RORA: variants seen among roughly 807,000 people sequenced by gnomAD.
RORA encodes the protein RAR related orphan receptor A, also known as nuclear receptor ROR-alpha.
In RORA, 7 loss-of-function variants were observed where a neutral mutation model predicts 69.5. The ratio of observed to expected loss-of-function variants is 0.10; its 90% CI spans 0.06 to 0.19. RORA has a LOEUF of 0.19. RORA is among the 10% of genes least tolerant of loss of function. The pLI, the probability that RORA is intolerant of heterozygous loss-of-function variation, is 1.00. For synonymous variants in RORA, 261 were observed against 240.8 expected (o/e 1.08, Z -0.78); for missense variants, 457 against 663.0 (o/e 0.69, Z 3.41).
rs140452561 is a variant in RORA, at chr15:60,523,173, A to G, written c.283-8416T>C. On this transcript the variant is annotated intron_variant, in intron 3 of 10. Coordinates refer to ENST00000335670, the MANE Select transcript of RORA (RefSeq NM_134261.3). ...AATGTTCTTCTGGTATTTGAAAACT[A>G]TTAACTGAGTCAGCAAGGAAGTGGT... is the stretch of plus-strand genomic sequence containing the variant. 1.2e-3 allele frequency among the ~76,000 whole-genome samples: 179 copies of G among 152,378 alleles called. 2 individuals carry two copies. Among genetic ancestry groups the G allele is most frequent in the African/African-American group, 3.4e-3 (140 of 41,580 alleles).
chr15:61,050,514 C>A (rs1235284998), intron 1 of RORA, among the ~76,000 whole-genome samples: 1 of 152,182 alleles, frequency 6.6e-6, no homozygotes, highest in Non-Finnish European at 1.5e-5. Flanking sequence ...TGGTCTCTGT[C>A]TTCAGGGAGC....
At chr15:60,959,333 G>C (rs1047643077) in intron 1 of RORA, among the ~76,000 whole-genome samples, 2 of 152,106 alleles carry the variant, frequency 1.3e-5, no homozygotes, top group East Asian at 3.9e-4. Context: ...CAAGTATGTG[G>C]CATCTTAGCC....
At chr15:60,520,595 T>G (rs1245786791) in intron 3 of RORA, among the ~76,000 whole-genome samples, 1 of 152,010 alleles carries the variant, frequency 6.6e-6, no homozygotes, top group Non-Finnish European at 1.5e-5. Flanking sequence ...TTTGTCTGAT[T>G]GGGGAGAAAT....
intron 1 of RORA, among the ~76,000 whole-genome samples, chr15:61,150,147 C>T (rs1295605462): frequency 6.6e-6 from 1 of 152,220 alleles, no homozygotes; most frequent in Non-Finnish European, 1.5e-5. Flanking sequence ...TATATAGTAT[C>T]TTCAACAGCC....
At chr15:60,902,828 T>C (rs1891429219) in intron 1 of RORA, among the ~76,000 whole-genome samples, 1 of 151,946 alleles carries the variant, frequency 6.6e-6, no homozygotes, top group Non-Finnish European at 1.5e-5. Context: ...CTCTAGCCCT[T>C]CACTGGGCAG....
At chr15:60,776,890 C>T (rs2072175124) in intron 1 of RORA, among the ~76,000 whole-genome samples, 1 of 152,144 alleles carries the variant, frequency 6.6e-6, no homozygotes, top group African/African-American at 2.4e-5. Flanking sequence ...CACTTATCAC[C>T]TTGTACCACT....
chr15:60,613,203 C>T (rs1243646445), intron 2 of RORA, among the ~76,000 whole-genome samples: 6 of 151,928 alleles, frequency 3.9e-5, no homozygotes, highest in East Asian at 1.9e-4. Context: ...TCACTACAAC[C>T]GCCTCTCTCA....
At chr15:60,807,993 A>C (rs1595730474) in intron 1 of RORA, among the ~76,000 whole-genome samples, 1 of 152,160 alleles carries the variant, frequency 6.6e-6, no homozygotes. Flanking sequence ...CATCAGAAAA[A>C]CCCTTCTAGA....
At chr15:61,100,843 G>A (rs539620119) in intron 1 of RORA, among the ~76,000 whole-genome samples, 17 of 152,234 alleles carry the variant, frequency 1.1e-4, no homozygotes, top group African/African-American at 3.6e-4. Flanking sequence ...TCACATCCCC[G>A]GTATGTTGAT....
intron 1 of RORA, among the ~76,000 whole-genome samples, chr15:61,107,772 T>C (rs2078965648): frequency 6.6e-6 from 1 of 152,076 alleles, no homozygotes; most frequent in African/African-American, 2.4e-5. Context: ...CTCTTTCAGA[T>C]GGTTTCCTCT....
intron 1 of RORA, among the ~76,000 whole-genome samples, chr15:61,040,603 C>T (rs1221541072): frequency 6.6e-6 from 1 of 151,868 alleles, no homozygotes; most frequent in Non-Finnish European, 1.5e-5. Flanking sequence ...GATGTGTACA[C>T]TAGGTAGACC....
chr15:60,719,774 T>C (rs2071269010), intron 1 of RORA, among the ~76,000 whole-genome samples: 1 of 152,164 alleles, frequency 6.6e-6, no homozygotes, highest in African/African-American at 2.4e-5. Flanking sequence ...AAAGTCAGCT[T>C]GTTAGGAAAT....
At chr15:60,862,576 A>G (rs1388792797) in intron 1 of RORA, among the ~76,000 whole-genome samples, 2 of 152,202 alleles carry the variant, frequency 1.3e-5, no homozygotes, top group Admixed American at 1.3e-4. Context: ...ATCCGCTCCT[A>G]CCAAAGGATC....
chr15:60,721,379 A>T (rs1293401752), intron 1 of RORA, among the ~76,000 whole-genome samples: 1 of 152,244 alleles, frequency 6.6e-6, no homozygotes. Flanking sequence ...AATAGATAAG[A>T]GGAAATTGAA....
chr15:61,141,630 A>G (rs2079299508), intron 1 of RORA, among the ~76,000 whole-genome samples: 9 of 152,226 alleles, frequency 5.9e-5, no homozygotes, highest in Admixed American at 5.9e-4. Flanking sequence ...CTGAGGCTCA[A>G]ACAGTACTAC....
At chr15:60,939,878 A>G (rs1457708265) in intron 1 of RORA, among the ~76,000 whole-genome samples, 1 of 152,196 alleles carries the variant, frequency 6.6e-6, no homozygotes, top group Non-Finnish European at 1.5e-5. Context: ...CATTTCTACA[A>G]GGCAAGATAA....
At chr15:61,130,015 A>G (rs1394684171) in intron 1 of RORA, among the ~76,000 whole-genome samples, 1 of 152,202 alleles carries the variant, frequency 6.6e-6, no homozygotes, top group East Asian at 1.9e-4. Flanking sequence ...GCATGGCTGC[A>G]CCCTGATAGT....
chr15:60,814,239 A>G (rs2072780282), intron 1 of RORA, among the ~76,000 whole-genome samples: 1 of 152,122 alleles, frequency 6.6e-6, no homozygotes, highest in African/African-American at 2.4e-5. Flanking sequence ...CTCCTCCCCA[A>G]AACTTTCTCC....
intron 1 of RORA, among the ~76,000 whole-genome samples, chr15:61,157,212 T>A (rs1469111533): frequency 6.6e-6 from 1 of 152,130 alleles, no homozygotes; most frequent in Admixed American, 6.5e-5. Context: ...TCTGAACCAT[T>A]AAGTTTTGAC....
Sources: gnomAD v4.1 joint callset for allele counts (sites outside exome capture counted in the v4.1 genomes callset) on GRCh38, gnomAD v4.1.1 for gene constraint, MANE v1.5 for transcripts, NCBI Gene and HGNC (gene_info 2026-07-23, HGNC 2026-07-21) for gene names.